FHAD1: variants seen among roughly 807,000 people sequenced by gnomAD.
FHAD1 encodes the protein forkhead-associated domain-containing protein 1.
In FHAD1, 146 loss-of-function variants were observed where a neutral mutation model predicts 191.3. The observed-to-expected ratio is 0.76, with a 90% CI of 0.67 to 0.88. The LOEUF (loss-of-function observed/expected upper bound fraction) is 0.88, where lower values mean the gene tolerates loss of function less well. FHAD1 is among the 40% of genes least tolerant of loss of function. The pLI, the probability that FHAD1 is intolerant of heterozygous loss-of-function variation, is 0.00. For missense variants in FHAD1, 1,635 were observed against 1,785.8 expected (o/e 0.92, Z 1.52); for synonymous variants, 616 against 672.3 (o/e 0.92, Z 1.29).
chr1:15,251,234 A>G (rs1018376490), intron 1 of FHAD1, among the ~76,000 whole-genome samples: 1 of 151,478 alleles, frequency 6.6e-6, no homozygotes, highest in African/African-American at 2.4e-5. Flanking sequence ...AAGATTGCTC[A>G]CTGCCCTGCA....
At chr1:15,336,455 T>C (rs1257808950) in intron 14 of FHAD1, among the ~76,000 whole-genome samples, 1 of 152,090 alleles carries the variant, frequency 6.6e-6, no homozygotes, top group Admixed American at 6.6e-5. Flanking sequence ...TAGGTCTTCC[T>C]CCTACATGCA....
At chr1:15,360,832 C>A in intron 22 of FHAD1, 129 bp downstream of exon 22, 1 of 760,266 alleles carries the variant, frequency 1.3e-6, no homozygotes, top group Middle Eastern at 3.0e-4. Flanking sequence ...TTCTCTGAGG[C>A]CCCCTTTTGT....
intron 26 of FHAD1, among the ~76,000 whole-genome samples, chr1:15,372,932 A>T (rs1352150239): frequency 1.3e-5 from 2 of 152,202 alleles, no homozygotes; most frequent in Admixed American, 6.5e-5. Context: ...CCACATGAGG[A>T]TGCAAAATCT....
At position 15,247,391 on chromosome 1, in the gene FHAD1, G is replaced by C. The variant is rs114853711; in HGVS notation, c.-19G>C. Reference sequence around the variant, plus strand: ...GTCGGAGCGTGGGCTTCCTCCTCCCGCCAGGTGAGTGCGGCGCGGGAAGGG... The same window carrying C: ...GTCGGAGCGTGGGCTTCCTCCTCCCCCCAGGTGAGTGCGGCGCGGGAAGGG... On this transcript the variant is annotated 5_prime_UTR_variant, in exon 1 of 34. Coordinates refer to ENST00000688493, the MANE Select transcript of FHAD1 (RefSeq NM_001391957.1). 0.018 allele frequency: 3,681 copies of C among 203,916 alleles called. 146 individuals are homozygous for C. The highest frequency in any genetic ancestry group is 0.081 in the African/African-American group (3,409 of 41,980). The allele number at this position is 203,916 out of a possible 1,614,324, so 12.6% of individuals were successfully genotyped here. A position where few individuals can be genotyped will look rare whatever the true frequency, so the allele number is the denominator to read the frequency against.
chr1:15,349,201 C>T (rs1168732984), intron 19 of FHAD1, 52 bp downstream of exon 19: 21 of 1,354,938 alleles, frequency 1.5e-5, no homozygotes, highest in Non-Finnish European at 2.1e-5. Flanking sequence ...AAAGCCAGAT[C>T]CCTGGGAGAG....
At chr1:15,305,886 G>A (rs1670337854) in intron 6 of FHAD1, 1 of 303,500 alleles carries the variant, frequency 3.3e-6, no homozygotes, top group South Asian at 2.8e-5. Context: ...TGTGAAAACA[G>A]ACTAATACAG....
intron 24 of FHAD1, 91 bp downstream of exon 24, chr1:15,366,024 A>C: frequency 1.1e-6 from 1 of 886,128 alleles, no homozygotes. Context: ...GCAGTGGCGC[A>C]CGCCTATAAT....
intron 10 of FHAD1, among the ~76,000 whole-genome samples, chr1:15,320,170 T>G (rs1208010142): frequency 6.6e-6 from 1 of 152,248 alleles, no homozygotes; most frequent in African/African-American, 2.4e-5. Context: ...CTGCTTACCT[T>G]TTTTGTTACT....
chr1:15,326,224 G>A (rs1167479358), intron 11 of FHAD1: 2 of 152,326 alleles, frequency 1.3e-5, no homozygotes, highest in East Asian at 3.9e-4. Flanking sequence ...CTCTGCTTTG[G>A]AGTATTTAAT....
At chr1:15,248,921 G>A (rs755374529) in intron 1 of FHAD1, among the ~76,000 whole-genome samples, 136 of 150,408 alleles carry the variant, frequency 9.0e-4, no homozygotes, top group Non-Finnish European at 1.5e-3. Context: ...TCTGCACTCT[G>A]CCCTGGATAG....
At chr1:15,330,768 T>C (rs1680949241) in intron 14 of FHAD1, among the ~76,000 whole-genome samples, 1 of 152,048 alleles carries the variant, frequency 6.6e-6, no homozygotes, top group African/African-American at 2.4e-5. Context: ...GGGCCATGCA[T>C]GTGGGGTCTC....
In FHAD1 at chr1:15,389,447, C is replaced by CAAAA. The variant is rs570569622; in HGVS notation, c.4269+1334_4269+1337dup. Among the ~76,000 whole-genome samples, 477 of 54,174 alleles carry CAAAA rather than the reference C, an allele frequency of 8.8e-3. 21 individuals carry two copies. Among genetic ancestry groups the CAAAA allele is most frequent in the East Asian group, 0.059 (110 of 1,850 alleles). 35.5% of individuals were successfully genotyped at this position (54,174 alleles called of 152,430 possible). ...TGAGCAACAGAGGAAGAACCTGTCTCAAAAAAAAAAAAAAAAAAAAACCTG... is the reference window on the plus strand; with the variant it reads ...TGAGCAACAGAGGAAGAACCTGTCTCAAAAAAAAAAAAAAAAAAAAAAAAACCTG... On this transcript the variant is annotated intron_variant, in intron 32 of 33. Coordinates refer to ENST00000688493, the MANE Select transcript of FHAD1 (RefSeq NM_001391957.1).
upstream of FHAD1, among the ~76,000 whole-genome samples, chr1:15,245,322 T>C (rs968743216): frequency 3.3e-5 from 5 of 152,204 alleles, no homozygotes; most frequent in Non-Finnish European, 7.3e-5. Flanking sequence ...GTTGTTCTTA[T>C]TTTTATTTGC....
intron 19 of FHAD1, 143 bp downstream of exon 19, chr1:15,349,292 C>A: frequency 1.5e-6 from 1 of 649,248 alleles, no homozygotes; most frequent in Non-Finnish European, 2.7e-6. Flanking sequence ...GCTGTGTGAC[C>A]TCCGGCAGAT....
chr1:15,296,619 ATCT>A (rs142021356), intron 4 of FHAD1, 62 bp from the exon 5 acceptor site: 29,862 of 1,341,412 alleles, frequency 0.022, 426 homozygotes, highest in Non-Finnish European at 0.026. Flanking sequence ...TAACGTGAAC[ATCT>A]TCTTCAGGCC....
intron 1 of FHAD1, among the ~76,000 whole-genome samples, chr1:15,240,956 CAAAAAA>C (rs55740154): frequency 1.4e-4 from 18 of 124,788 alleles, no homozygotes; most frequent in Admixed American, 2.5e-4. Flanking sequence ...GACTCTATCT[CAAAAAA>C]AAAAAAAAAA....
At chr1:15,347,421 G>T (rs903495331) in intron 18 of FHAD1, among the ~76,000 whole-genome samples, 1 of 152,202 alleles carries the variant, frequency 6.6e-6, no homozygotes, top group Non-Finnish European at 1.5e-5. Context: ...GGGGGAATTT[G>T]AAAGAGCAGC....
chr1:15,359,238 G>A (rs1246724668), intron 21 of FHAD1, among the ~76,000 whole-genome samples: 3 of 152,158 alleles, frequency 2.0e-5, no homozygotes, highest in East Asian at 3.9e-4. Flanking sequence ...CGAGATTTGG[G>A]TGCACAATAG....
At chr1:15,370,572 C>A (rs1055440712) in intron 26 of FHAD1, among the ~76,000 whole-genome samples, 5 of 152,200 alleles carry the variant, frequency 3.3e-5, no homozygotes, top group Non-Finnish European at 7.3e-5. Flanking sequence ...CGAAGAGCCA[C>A]GTAGTGAGTG....
Sources: allele counts gnomAD v4.1 joint callset (sites outside exome capture counted in the v4.1 genomes callset), GRCh38; gene constraint gnomAD v4.1.1; transcripts MANE v1.5; gene names NCBI Gene and HGNC (gene_info 2026-07-23, HGNC 2026-07-21).